Variants in EIF3L observed in about 807,000 individuals in gnomAD.
EIF3L encodes the protein eIEF associated protein HSPC021.
In EIF3L, 32 loss-of-function variants were observed where a neutral mutation model predicts 74.6. The observed-to-expected ratio is 0.43, with a 90% CI of 0.32 to 0.58. The LOEUF (loss-of-function observed/expected upper bound fraction) is 0.58, where lower values mean the gene tolerates loss of function less well. Among genes scored for constraint, EIF3L ranks in the 20% least tolerant of loss-of-function variants. EIF3L has a pLI of 0.06. For synonymous variants in EIF3L, 256 were observed against 254.4 expected (o/e 1.01, Z -0.06); for missense variants, 474 against 707.8 (o/e 0.67, Z 3.75).
chr22:37,870,471 C>A, intron 8 of EIF3L, 124 bp downstream of exon 8: 2 of 967,258 alleles, frequency 2.1e-6, no homozygotes, highest in Non-Finnish European at 3.0e-6. Flanking sequence ...GGTCTGTTGA[C>A]TCTTTGTAGG....
At chr22:37,863,499 C>T (rs542358157) in intron 7 of EIF3L, among the ~76,000 whole-genome samples, 154 bp downstream of exon 7, 15 of 152,270 alleles carry the variant, frequency 9.9e-5, no homozygotes, top group South Asian at 4.1e-4. Context: ...AGCTGGCTTT[C>T]GGAAGAGGCA....
intron 4 of EIF3L, among the ~76,000 whole-genome samples, chr22:37,857,553 C>T (rs950009949): frequency 1.3e-5 from 2 of 150,552 alleles, no homozygotes; most frequent in Non-Finnish European, 3.0e-5. Flanking sequence ...TTTTTTCCCC[C>T]TAAGATGGAG....
chr22:37,849,837 T>C, intron 1 of EIF3L, 178 bp from the exon 2 acceptor site: 1 of 676,244 alleles, frequency 1.5e-6, no homozygotes. Context: ...CGTAATGTTG[T>C]ATTGTCATTG....
chr22:37,886,235 G>A (rs1484467051), intron 11 of EIF3L: 3 of 148,068 alleles, frequency 2.0e-5, no homozygotes, highest in African/African-American at 7.4e-5. Flanking sequence ...CAAAAAAAAA[G>A]TCTAGAAAAT....
chr22:37,856,871 T>C (rs1601755983), intron 4 of EIF3L, among the ~76,000 whole-genome samples: 1 of 149,592 alleles, frequency 6.7e-6, no homozygotes, highest in African/African-American at 2.4e-5. Context: ...AGAAAGAAAT[T>C]GGGAATTGGT....
chr22:37,851,235 A>T (rs201143097), intron 2 of EIF3L, 45 bp from the exon 3 acceptor site: 3 of 1,559,810 alleles, frequency 1.9e-6, no homozygotes, highest in Admixed American at 3.4e-5. Flanking sequence ...TCTATCATAT[A>T]TGTGGGTTTG....
intron 10 of EIF3L, 197 bp downstream of exon 10, chr22:37,876,208 C>A: frequency 1.8e-6 from 1 of 541,864 alleles, no homozygotes; most frequent in Non-Finnish European, 3.2e-6. Context: ...CAGCTCACGT[C>A]AGCCTCAACC....
chr22:37,867,605 T>G (rs1303678455), intron 7 of EIF3L, among the ~76,000 whole-genome samples: 3 of 144,362 alleles, frequency 2.1e-5, no homozygotes, highest in Non-Finnish European at 4.5e-5. Context: ...TGCAGTGAGC[T>G]GAGATCACAC....
At chr22:37,884,342 C>A (rs1238818655) in intron 11 of EIF3L, 1 of 151,740 alleles carries the variant, frequency 6.6e-6, no homozygotes. Context: ...TTTTTTGTTC[C>A]TTTTTTCACT....
At position 37,850,055 on chromosome 22, in the gene EIF3L, T is replaced by C. The variant is rs200341537; in HGVS notation, c.74T>C (p.Met25Thr). 1.9e-6 allele frequency: 3 copies of C among 1,613,586 alleles called. No homozygotes were observed. Among genetic ancestry groups the C allele is most frequent in the Middle Eastern group, 1.6e-4 (1 of 6,082 alleles). Residue 25 changes from methionine to threonine, a missense_variant, in exon 2 of 13, where the codon ATG (methionine) becomes ACG (threonine). By Grantham distance (81) the Met-to-Thr change is moderately conservative (BLOSUM62 -1). Coordinates refer to ENST00000652021, the MANE Select transcript of EIF3L (RefSeq NM_016091.4). ...DPYAYPSDYD[M>T]HTGDPKQDLA... ...TACGCTTATCCCAGCGACTATGATATGCACACAGGTGAGACCACGGGTTAG... is the reference window on the plus strand; with the variant it reads ...TACGCTTATCCCAGCGACTATGATACGCACACAGGTGAGACCACGGGTTAG...
At chr22:37,860,139 G>A (rs568142846) in intron 5 of EIF3L, among the ~76,000 whole-genome samples, 1 of 152,328 alleles carries the variant, frequency 6.6e-6, no homozygotes, top group South Asian at 2.1e-4. Context: ...GCACTTGGCT[G>A]TCTGAGTCAT....
At chr22:37,867,304 A>G (rs1358941029) in intron 7 of EIF3L, among the ~76,000 whole-genome samples, 4 of 152,144 alleles carry the variant, frequency 2.6e-5, no homozygotes, top group African/African-American at 9.7e-5. Context: ...ATGCCTAGCC[A>G]AGACCAACTG....
At chr22:37,862,666 G>A (rs973628276) in intron 5 of EIF3L, among the ~76,000 whole-genome samples, 2 of 152,032 alleles carry the variant, frequency 1.3e-5, no homozygotes, top group African/African-American at 4.8e-5. Context: ...TAACTTCTTC[G>A]CCTTTGCTAG....
chr22:37,856,815 G>A (rs1925538007), intron 4 of EIF3L, among the ~76,000 whole-genome samples: 2 of 150,632 alleles, frequency 1.3e-5, no homozygotes, highest in South Asian at 2.1e-4. Context: ...TTGCACTCCA[G>A]CCTGGGCAAC....
intron 8 of EIF3L, among the ~76,000 whole-genome samples, chr22:37,872,352 G>A (rs888687676): frequency 6.6e-6 from 1 of 152,092 alleles, no homozygotes; most frequent in Non-Finnish European, 1.5e-5. Context: ...TTGAACTCCC[G>A]AGCTCAAGTG....
chr22:37,878,163 A>G lies in EIF3L; in HGVS notation c.1567A>G (p.Ile523Val). The change falls in exon 11 of 13, where the codon ATT becomes GTT. Residue 523 changes from isoleucine to valine, a missense_variant. By Grantham distance (29) the Ile-to-Val change is conservative. Transcript: ENST00000652021. Reference sequence around the variant, plus strand: ...GTCAGCCTCAGAGGTTGACTTCTACATTGATAAGGTATGCCTGTCCCCTGG... The same window carrying G: ...GTCAGCCTCAGAGGTTGACTTCTACGTTGATAAGGTATGCCTGTCCCCTGG... ...FQSASEVDFY[I>V]DKDMIHIADT... 6.2e-7 allele frequency: 1 copy of G among 1,606,972 alleles called. No homozygotes were observed. The highest frequency in any genetic ancestry group is 2.2e-5 in the East Asian group (1 of 44,754).
intron 7 of EIF3L, among the ~76,000 whole-genome samples, chr22:37,865,215 C>T (rs1332344956): frequency 6.6e-6 from 1 of 151,150 alleles, no homozygotes; most frequent in Non-Finnish European, 1.5e-5. Context: ...CCTGTAATCC[C>T]AACACTTTGG....
At chr22:37,856,498 C>G (rs762777324) in intron 4 of EIF3L, among the ~76,000 whole-genome samples, 9 of 152,216 alleles carry the variant, frequency 5.9e-5, no homozygotes, top group Non-Finnish European at 1.3e-4. Context: ...GCATGCACCA[C>G]TGTGCCCAGC....
intron 4 of EIF3L, among the ~76,000 whole-genome samples, chr22:37,856,015 C>G (rs1338023091): frequency 1.3e-5 from 2 of 151,206 alleles, no homozygotes; most frequent in Non-Finnish European, 2.9e-5. Flanking sequence ...TGTGGATATT[C>G]AGCTACCCTG....
Sources: gnomAD v4.1 joint callset for allele counts (sites outside exome capture counted in the v4.1 genomes callset) on GRCh38, gnomAD v4.1.1 for gene constraint, MANE v1.5 for transcripts, NCBI Gene and HGNC (gene_info 2026-07-23, HGNC 2026-07-21) for gene names.